SKOR2: variants seen among roughly 807,000 people sequenced by gnomAD.
SKOR2 encodes the protein SKI family transcriptional corepressor 2.
SKOR2 carries 47 observed loss-of-function variants against 69.1 expected under a neutral mutation model. The observed-to-expected ratio is 0.68, with a 90% CI of 0.54 to 0.87. The LOEUF (loss-of-function observed/expected upper bound fraction) is 0.87, where lower values mean the gene tolerates loss of function less well. Ranked by LOEUF, SKOR2 falls within the 40% of genes least tolerant of loss-of-function variation. The pLI is 0.00. For missense variants in SKOR2, 1,404 were observed against 1,472.2 expected (o/e 0.95, Z 0.76); for synonymous variants, 717 against 672.6 (o/e 1.07, Z -1.02).
rs564813282 is a variant in SKOR2, at chr18:47,239,718, C to T, written c.2752+5190G>A. ...TTAACAATCATTAGTAAGAAGGAAA[C>T]GTTCATAAATAAAAATAAACAAATA... On this transcript the variant is annotated intron_variant, in intron 4 of 8. Coordinates refer to ENST00000425639, the MANE Select transcript of SKOR2 (RefSeq NM_001278063.4). Among the ~76,000 whole-genome samples, 8 of 151,904 alleles carry T rather than the reference C, an allele frequency of 5.3e-5. No individual in the cohort carries two copies. In the South Asian group the frequency reaches 8.3e-4, roughly 16 times the overall value.
intron 4 of SKOR2, among the ~76,000 whole-genome samples, chr18:47,243,717 A>T (rs1194249827): frequency 1.3e-5 from 2 of 152,218 alleles, no homozygotes; most frequent in Non-Finnish European, 2.9e-5. Flanking sequence ...AAATTTGCAA[A>T]AGATAATTTT....
At chr18:47,216,014 G>A (rs946704850) in intron 7 of SKOR2, among the ~76,000 whole-genome samples, 9 of 152,132 alleles carry the variant, frequency 5.9e-5, no homozygotes, top group African/African-American at 2.2e-4. Flanking sequence ...AGCTCATGTT[G>A]TAAGTTTTTA....
chr18:47,244,856 C>A (rs760356288), intron 4 of SKOR2, 52 bp downstream of exon 4: 6 of 1,454,728 alleles, frequency 4.1e-6, no homozygotes, highest in Non-Finnish European at 5.6e-6. Flanking sequence ...TGAATTTCAG[C>A]CCCTCTCCCT....
At chr18:47,227,152 C>T (rs900813083) in intron 6 of SKOR2, among the ~76,000 whole-genome samples, 9 of 151,710 alleles carry the variant, frequency 5.9e-5, no homozygotes, top group Non-Finnish European at 1.3e-4. Context: ...CCTCCATCTT[C>T]CTCCTTCTTC....
chr18:47,238,330 T>C (rs1350408686), intron 4 of SKOR2, among the ~76,000 whole-genome samples: 1 of 146,798 alleles, frequency 6.8e-6, no homozygotes, highest in Non-Finnish European at 1.5e-5. Context: ...CTTTTTTTTT[T>C]TTTTTTTTTT....
chr18:47,240,570 T>C (rs371309675), intron 4 of SKOR2, among the ~76,000 whole-genome samples: 53 of 152,284 alleles, frequency 3.5e-4, no homozygotes, highest in Non-Finnish European at 5.1e-4. Flanking sequence ...ATCTGCTGTA[T>C]GTAAGGTTAA....
intron 6 of SKOR2, among the ~76,000 whole-genome samples, chr18:47,225,629 T>C (rs540220019): frequency 2.0e-5 from 3 of 152,076 alleles, no homozygotes; most frequent in Non-Finnish European, 4.4e-5. Flanking sequence ...AAACTCATGG[T>C]ACTAGAAATG....
chr18:47,221,354 C>T (rs2064160602), intron 6 of SKOR2, among the ~76,000 whole-genome samples: 1 of 152,118 alleles, frequency 6.6e-6, no homozygotes, highest in East Asian at 1.9e-4. Context: ...ATTCTGGGAA[C>T]ATTAGAGGGG....
intron 6 of SKOR2, among the ~76,000 whole-genome samples, chr18:47,227,424 G>A (rs2064182638): frequency 7.3e-6 from 1 of 136,324 alleles, no homozygotes; most frequent in Admixed American, 8.7e-5. Context: ...TGCAACCTCT[G>A]CCTCCCGGGT....
At chr18:47,241,712 A>G (rs1178503977) in intron 4 of SKOR2, among the ~76,000 whole-genome samples, 1 of 152,146 alleles carries the variant, frequency 6.6e-6, no homozygotes, top group Non-Finnish European at 1.5e-5. Flanking sequence ...TATAGCCTTC[A>G]CCTGAAATTT....
At chr18:47,233,335 T>C (rs1213631011) in intron 4 of SKOR2, among the ~76,000 whole-genome samples, 1 of 152,168 alleles carries the variant, frequency 6.6e-6, no homozygotes, top group African/African-American at 2.4e-5. Context: ...TGTGAAGCAT[T>C]TTAAATATAG....
At position 47,249,051 on chromosome 18, in the gene SKOR2, TCACCTGGCC is replaced by T; in HGVS notation, c.124_132del (p.Gly42_Val44del). ...GACACGATGGGAATGCCGTAGAGGA[TCACCTGGCC>T]CACCTGGTTGGGTTTGAGGTTGGCG... is the stretch of plus-strand genomic sequence containing the variant. On this transcript the variant is annotated inframe_deletion, in exon 2 of 9. Coordinates refer to ENST00000425639, the MANE Select transcript of SKOR2 (RefSeq NM_001278063.4). 1 of 1,537,842 alleles carries T rather than the reference TCACCTGGCC, an allele frequency of 6.5e-7. No homozygotes were observed.
chr18:47,210,454 T>G (rs955126466), intron 8 of SKOR2, among the ~76,000 whole-genome samples: 3 of 152,218 alleles, frequency 2.0e-5, no homozygotes, highest in Non-Finnish European at 4.4e-5. Flanking sequence ...GAAGGTTATT[T>G]TTAAAAACAT....
At chr18:47,240,858 A>G (rs1171245364) in intron 4 of SKOR2, among the ~76,000 whole-genome samples, 2 of 152,234 alleles carry the variant, frequency 1.3e-5, no homozygotes, top group Admixed American at 1.3e-4. Flanking sequence ...AAAAATTCCT[A>G]TAAAAATCAA....
chr18:47,231,065 C>A, intron 4 of SKOR2, 65 bp from the exon 5 acceptor site: 1 of 1,534,874 alleles, frequency 6.5e-7, no homozygotes, highest in South Asian at 1.2e-5. Context: ...TTTTCCTTTA[C>A]ATTTTCTTTT....
At chr18:47,238,125 G>A (rs1020101624) in intron 4 of SKOR2, among the ~76,000 whole-genome samples, 6 of 152,138 alleles carry the variant, frequency 3.9e-5, no homozygotes, top group Admixed American at 3.9e-4. Flanking sequence ...ATCACTGAAA[G>A]GGCTATTATG....
At chr18:47,238,107 G>A (rs959839723) in intron 4 of SKOR2, among the ~76,000 whole-genome samples, 9 of 151,986 alleles carry the variant, frequency 5.9e-5, no homozygotes, top group African/African-American at 2.2e-4. Flanking sequence ...GGGACTAAGT[G>A]GTTGCTTATC....
intron 4 of SKOR2, among the ~76,000 whole-genome samples, chr18:47,232,702 C>T (rs2064204396): frequency 6.6e-6 from 1 of 152,200 alleles, no homozygotes; most frequent in African/African-American, 2.4e-5. Flanking sequence ...CAGCGCTGAA[C>T]ATACAATAAG....
chr18:47,249,515 C>G (rs901283292), intron 1 of SKOR2, among the ~76,000 whole-genome samples: 1 of 152,148 alleles, frequency 6.6e-6, no homozygotes, highest in Non-Finnish European at 1.5e-5. Flanking sequence ...GACCTTATCC[C>G]GGATTTATAG....
Sources: gnomAD v4.1 joint callset for allele counts (sites outside exome capture counted in the v4.1 genomes callset) on GRCh38, gnomAD v4.1.1 for gene constraint, MANE v1.5 for transcripts, NCBI Gene and HGNC (gene_info 2026-07-23, HGNC 2026-07-21) for gene names.